Variants in LITAF observed in about 807,000 individuals in gnomAD.
LITAF encodes lipopolysaccharide induced TNF factor, also known as lipopolysaccharide-induced tumor necrosis factor-alpha factor.
A neutral mutation model predicts 14.5 loss-of-function variants in LITAF; 9 were observed. The observed-to-expected ratio is 0.62, with a 90% CI of 0.37 to 1.08. The LOEUF (loss-of-function observed/expected upper bound fraction) is 1.08. Among genes scored for constraint, LITAF ranks in the 50% least tolerant of loss-of-function variants. The pLI is 0.01. For missense variants in LITAF, 206 were observed against 213.4 expected (o/e 0.97, Z 0.22); for synonymous variants, 98 against 88.2 (o/e 1.11, Z -0.62).
At chr16:11,580,402 T>C (rs987032263) in intron 1 of LITAF, among the ~76,000 whole-genome samples, 2 of 151,868 alleles carry the variant, frequency 1.3e-5, no homozygotes, top group African/African-American at 2.4e-5. Context: ...GGATTACAGA[T>C]GCCCACCACC....
intron 3 of LITAF, among the ~76,000 whole-genome samples, chr16:11,619,014 A>AAAC (rs770411878): frequency 3.5e-5 from 5 of 141,390 alleles, no homozygotes; most frequent in South Asian, 4.5e-4. Context: ...AACAAACAAA[A>AAAC]AAAACCCCAG....
chr16:11,553,267 T>G lies in LITAF; in HGVS notation c.377+266A>C, dbSNP rs749574851. On this transcript the variant is annotated intron_variant, in intron 3 of 3. Transcript: ENST00000622633. The surrounding 1 kb of genome is among the most constrained non-coding windows in gnomAD (Gnocchi z 7.7). ...AATGCCAGCTCTACTAAAAATAAGC[T>G]GGGCGTGGTTGTGCACCCCTATAAT... 6.6e-5 allele frequency among the ~76,000 whole-genome samples: 10 copies of G among 151,902 alleles called. No homozygotes were observed. Among genetic ancestry groups the G allele is most frequent in the Non-Finnish European group, 1.2e-4 (8 of 67,972 alleles).
chr16:11,554,787 CAAAA>C (rs56346206), intron 2 of LITAF, among the ~76,000 whole-genome samples: 2 of 64,506 alleles, frequency 3.1e-5, no homozygotes, highest in South Asian at 5.8e-4. Flanking sequence ...GACTCTACCT[CAAAA>C]AAAAAAAAAA....
At chr16:11,569,881 A>C (rs1302951411) in intron 1 of LITAF, among the ~76,000 whole-genome samples, 1 of 152,158 alleles carries the variant, frequency 6.6e-6, no homozygotes, top group African/African-American at 2.4e-5. Flanking sequence ...TAAAAATATA[A>C]AAATTAGCCA....
Position 11,553,065 on chromosome 16 carries a change from G to A in LITAF, c.377+468C>T, listed in dbSNP as rs1965798959. 6.6e-6 allele frequency among the ~76,000 whole-genome samples: 1 copy of A among 151,864 alleles called. No individual in the cohort carries two copies. The highest frequency in any genetic ancestry group is 1.5e-5 in the Non-Finnish European group (1 of 67,952). ...GGGAGGCGGAGGTTGCAGTGAGCCGGGATCGTGCTACTGCACTCCAGCCTG... is the reference window on the plus strand; with the variant it reads ...GGGAGGCGGAGGTTGCAGTGAGCCGAGATCGTGCTACTGCACTCCAGCCTG... On this transcript the variant is annotated intron_variant, in intron 3 of 3. Transcript: ENST00000622633. This position sits in a 1 kb window ranked among gnomAD's most constrained non-coding sequence, Gnocchi z 7.7.
At chr16:11,551,317 C>T (rs1597326708) in intron 3 of LITAF, among the ~76,000 whole-genome samples, 1 of 152,284 alleles carries the variant, frequency 6.6e-6, no homozygotes, top group East Asian at 1.9e-4. Flanking sequence ...GCAGCACACA[C>T]ACATATTTCA....
At chr16:11,633,136 G>C (rs2065125619) in intron 3 of LITAF, among the ~76,000 whole-genome samples, 1 of 152,172 alleles carries the variant, frequency 6.6e-6, no homozygotes, top group Admixed American at 6.5e-5. Flanking sequence ...CATCACGCTG[G>C]AGGCAAGATG....
At chr16:11,639,509 A>T (rs933905211), upstream of LITAF, among the ~76,000 whole-genome samples, 3 of 152,098 alleles carry the variant, frequency 2.0e-5, no homozygotes, top group African/African-American at 4.8e-5. Context: ...ATGGACAAAT[A>T]GGACAAAATG....
chr16:11,578,503 C>T (rs1386127290), intron 1 of LITAF, among the ~76,000 whole-genome samples: 2 of 152,160 alleles, frequency 1.3e-5, no homozygotes, highest in Non-Finnish European at 2.9e-5. Flanking sequence ...TGCACTGTAG[C>T]CTGGGCAACA....
intron 1 of LITAF, among the ~76,000 whole-genome samples, chr16:11,571,265 C>T (rs938548109): frequency 2.0e-5 from 3 of 152,140 alleles, no homozygotes; most frequent in African/African-American, 7.2e-5. Context: ...TGGAGTTTCA[C>T]TATGATGGCC....
chr16:11,615,382 C>G (rs938207908), intron 3 of LITAF, among the ~76,000 whole-genome samples: 1 of 152,126 alleles, frequency 6.6e-6, no homozygotes, highest in Admixed American at 6.5e-5. Context: ...ACTAAAAATA[C>G]AAAAATTAGC....
At chr16:11,617,030 G>A (rs1433110426) in intron 3 of LITAF, among the ~76,000 whole-genome samples, 1 of 151,834 alleles carries the variant, frequency 6.6e-6, no homozygotes, top group East Asian at 1.9e-4. Flanking sequence ...GACCAGCCTG[G>A]TCAACATGGT....
intron 1 of LITAF, among the ~76,000 whole-genome samples, chr16:11,592,253 T>TA (rs2064851375): frequency 1.3e-5 from 2 of 151,956 alleles, no homozygotes; most frequent in East Asian, 1.9e-4. Context: ...AACTCAGCAA[T>TA]AAAAAAACAA....
At chr16:11,596,383 T>A (rs1041244271) in intron 1 of LITAF, among the ~76,000 whole-genome samples, 13 of 148,130 alleles carry the variant, frequency 8.8e-5, no homozygotes, top group African/African-American at 3.3e-4. Flanking sequence ...GCTGCATGAC[T>A]GTGTTTCTAT....
intron 3 of LITAF, chr16:11,629,132 G>A (rs994539512): frequency 3.9e-5 from 6 of 152,406 alleles, no homozygotes; most frequent in Admixed American, 3.9e-4. Flanking sequence ...CCAAGTGCTG[G>A]GATGGCACCC....
intron 3 of LITAF, among the ~76,000 whole-genome samples, chr16:11,619,033 G>A (rs1183888968): frequency 1.3e-5 from 2 of 151,468 alleles, no homozygotes; most frequent in African/African-American, 2.4e-5. Flanking sequence ...AGCACTGCCC[G>A]GGCACGGTGG....
upstream of LITAF, chr16:11,587,631 C>T (rs914110763): frequency 1.7e-4 from 39 of 234,662 alleles, no homozygotes; most frequent in Middle Eastern, 1.7e-3. Context: ...TGGTCCGTGC[C>T]GCCAGGTAGG....
chr16:11,605,299 A>C lies in LITAF; in HGVS notation c.85+28234T>G, dbSNP rs75162480. Among the ~76,000 whole-genome samples the C allele has an allele frequency of 0.023, 3,477 of 152,244 alleles. 109 individuals carry two copies. Among genetic ancestry groups the C allele is most frequent in the East Asian group, 0.15 (769 of 5,164 alleles). On this transcript the variant is annotated intron_variant, in intron 3 of 3. Coordinates refer to the LITAF transcript ENST00000574848. The surrounding 1 kb of genome is among the most constrained non-coding windows in gnomAD (Gnocchi z 4.7). ...GTGGGGAATGTGGCCCCTAGTATTC[A>C]ATGGGGGGATGCCACGCAGGTCTGG...
intron 3 of LITAF, among the ~76,000 whole-genome samples, chr16:11,631,494 T>C (rs2065117548): frequency 2.0e-5 from 3 of 152,202 alleles, no homozygotes; most frequent in Admixed American, 2.0e-4. Context: ...CTCCCGAGCT[T>C]AGGTGATCCT....
Sources: allele counts gnomAD v4.1 joint callset (sites outside exome capture counted in the v4.1 genomes callset), GRCh38; gene constraint gnomAD v4.1.1; non-coding constraint Gnocchi (gnomAD v3.1); transcripts MANE v1.5; gene names NCBI Gene and HGNC (gene_info 2026-07-23, HGNC 2026-07-21).